Variants in NRP2 observed in about 807,000 individuals in gnomAD.
NRP2 encodes the protein neuropilin-2.
In NRP2, 52 loss-of-function variants were observed where a neutral mutation model predicts 110.4. The observed-to-expected ratio is 0.47, with a 90% CI of 0.38 to 0.59. The LOEUF (loss-of-function observed/expected upper bound fraction) is 0.59. NRP2 is among the 20% of genes least tolerant of loss of function. The pLI is 0.00. For missense variants in NRP2, 1,049 were observed against 1,203.0 expected (o/e 0.87, Z 1.89); for synonymous variants, 508 against 468.9 (o/e 1.08, Z -1.08).
intron 7 of NRP2, among the ~76,000 whole-genome samples, chr2:205,736,138 TCAA>T (rs2105851907): frequency 6.6e-6 from 1 of 152,186 alleles, no homozygotes; most frequent in African/African-American, 2.4e-5. Flanking sequence ...GGTCAGGAGT[TCAA>T]GACCAGCCTG....
chr2:205,734,893 G>A (rs976615183), intron 7 of NRP2, among the ~76,000 whole-genome samples: 1 of 152,196 alleles, frequency 6.6e-6, no homozygotes, highest in Admixed American at 6.5e-5. Context: ...CCCTGGAGCT[G>A]GCTGACTTCA....
At chr2:205,701,611 T>C (rs1236246194) in intron 2 of NRP2, 1 of 151,690 alleles carries the variant, frequency 6.6e-6, no homozygotes, top group Non-Finnish European at 1.5e-5. Context: ...CAAAACCCAC[T>C]AGCAAGAAAT....
rs1282488897 is a variant in NRP2 at position 205,743,441 on chromosome 2, C to G, written c.1530C>G (p.Asp510Glu). 2 of 1,614,104 alleles carry G rather than the reference C, an allele frequency of 1.2e-6. No homozygotes were observed. The highest frequency in any genetic ancestry group is 1.7e-6 in the Non-Finnish European group (2 of 1,180,058). Reference sequence around the variant, plus strand: ...TCATCCAGGGAGCCCGCGGAGGAGACAGTATCACTGCTGTGGAAGCCAGAG... The same window carrying G: ...TCATCCAGGGAGCCCGCGGAGGAGAGAGTATCACTGCTGTGGAAGCCAGAG... ...GVIIQGARGG[D>E]SITAVEARAF... The change falls in exon 9 of 17, where the codon GAC (aspartate) becomes GAG (glutamate). Residue 510 changes from aspartate to glutamate, a missense_variant. Transcript: ENST00000357785.
rs764073692 is a variant in NRP2, at chr2:205,743,435, A to T, written c.1524A>T (p.Gly508=). 1.9e-6 allele frequency: 3 copies of T among 1,614,232 alleles called. No homozygotes were observed. The highest frequency in any genetic ancestry group is 2.5e-6 in the Non-Finnish European group (3 of 1,180,036). Reference sequence around the variant, plus strand: ...GTGTCATCATCCAGGGAGCCCGCGGAGGAGACAGTATCACTGCTGTGGAAG... The same window carrying T: ...GTGTCATCATCCAGGGAGCCCGCGGTGGAGACAGTATCACTGCTGTGGAAG... The part of the protein sequence containing the change: ...VKGVIIQGAR[G]GDSITAVEAR... The change falls in exon 9 of 17, where the codon GGA becomes GGT. Residue 508 remains glycine, a synonymous_variant. Transcript: ENST00000357785.
chr2:205,752,675 GC>G, intron 11 of NRP2, 159 bp from the exon 12 acceptor site: 1 of 747,882 alleles, frequency 1.3e-6, no homozygotes, highest in Non-Finnish European at 2.3e-6. Flanking sequence ...TGACCCGAAA[GC>G]CAGCGATCGC....
At chr2:205,706,774 T>G (rs916086764) in intron 2 of NRP2, among the ~76,000 whole-genome samples, 4 of 152,152 alleles carry the variant, frequency 2.6e-5, no homozygotes, top group African/African-American at 9.7e-5. Flanking sequence ...AGTTATCTTC[T>G]TGGGGGCCTT....
In NRP2 at chr2:205,745,907, T is replaced by C; in HGVS notation, c.1786+17T>C. 1 of 1,613,884 alleles carries C rather than the reference T, an allele frequency of 6.2e-7. No individual in the cohort carries two copies. Reference sequence around the variant, plus strand: ...ACTGGACAGGTAAGATGACATTTCCTCCTCTTTGCATCTCACCCACATGGT... The same window carrying C: ...ACTGGACAGGTAAGATGACATTTCCCCCTCTTTGCATCTCACCCACATGGT... On this transcript the variant is annotated intron_variant, in intron 10 of 16. Coordinates refer to ENST00000357785, the MANE Select transcript of NRP2 (RefSeq NM_003872.3).
chr2:205,729,838 T>C (rs528058467), intron 7 of NRP2, among the ~76,000 whole-genome samples: 1 of 152,372 alleles, frequency 6.6e-6, no homozygotes, highest in South Asian at 2.1e-4. Context: ...TTCAGAATTA[T>C]TTTTCTCAAC....
intron 15 of NRP2, chr2:205,776,057 G>C (rs187165364): frequency 1.3e-6 from 1 of 747,514 alleles, no homozygotes; most frequent in Non-Finnish European, 2.4e-6. Flanking sequence ...TCCCAAGGGG[G>C]TAAGTAGGAA....
intron 11 of NRP2, among the ~76,000 whole-genome samples, chr2:205,751,301 A>C (rs370442146): frequency 3.3e-4 from 50 of 152,248 alleles, no homozygotes; most frequent in African/African-American, 1.2e-3. Flanking sequence ...GGTTTGTTTC[A>C]TTTGAGGTTT....
intron 7 of NRP2, among the ~76,000 whole-genome samples, chr2:205,730,296 G>T (rs1368858567): frequency 6.7e-6 from 1 of 148,730 alleles, no homozygotes; most frequent in Non-Finnish European, 1.5e-5. Context: ...GGTTGAAGTA[G>T]TTGAGTGAAC....
intron 1 of NRP2, among the ~76,000 whole-genome samples, chr2:205,690,632 T>G (rs1207308145): frequency 1.3e-4 from 18 of 138,130 alleles, no homozygotes; most frequent in Admixed American, 1.3e-3. Context: ...ACACACACAA[T>G]AGCTGGGTAT....
intron 9 of NRP2, among the ~76,000 whole-genome samples, chr2:205,744,109 G>C (rs1447913331): frequency 6.6e-6 from 1 of 152,126 alleles, no homozygotes; most frequent in Non-Finnish European, 1.5e-5. Context: ...CCATTTTAGA[G>C]ATGATAAACT....
intron 1 of NRP2, among the ~76,000 whole-genome samples, chr2:205,688,771 T>C (rs1437673936): frequency 6.6e-6 from 1 of 151,754 alleles, no homozygotes; most frequent in Non-Finnish European, 1.5e-5. Flanking sequence ...AGTAGAACAA[T>C]AACAATGTGG....
chr2:205,763,791 A>G lies in NRP2; in HGVS notation c.2162A>G (p.Gln721Arg), dbSNP rs2057863928. ...RSPVCMEFQYQATGGRGVALQ... is the reference protein window; with the variant it reads ...RSPVCMEFQYRATGGRGVALQ... ...CCGGTGTGCATGGAGTTCCAGTACC[A>G]GGCCACGGGCGGCCGCGGGGTGGCG... Residue 721 changes from glutamine (Q) to arginine (R), a missense_variant, in exon 13 of 17, where the codon CAG becomes CGG. By Grantham distance (43) the Gln-to-Arg change is conservative. Coordinates refer to ENST00000357785, the MANE Select transcript of NRP2 (RefSeq NM_003872.3). The surrounding 1 kb of genome is among the most constrained non-coding windows in gnomAD (Gnocchi z 4.0). The G allele has an allele frequency of 6.2e-7, 1 of 1,614,138 alleles. No individual in the cohort carries two copies. Among genetic ancestry groups the G allele is most frequent in the East Asian group, 2.2e-5 (1 of 44,878 alleles).
At chr2:205,717,314 T>C (rs2056920499) in intron 3 of NRP2, among the ~76,000 whole-genome samples, 1 of 152,138 alleles carries the variant, frequency 6.6e-6, no homozygotes, top group Admixed American at 6.5e-5. Context: ...TTACAACTCG[T>C]GGATGGAGTC....
intron 3 of NRP2, among the ~76,000 whole-genome samples, chr2:205,721,048 A>C (rs2105806033): frequency 6.6e-6 from 1 of 152,348 alleles, no homozygotes; most frequent in South Asian, 2.1e-4. Context: ...TCTGGTGCTG[A>C]AGAAAGTTGC....
In NRP2 at chr2:205,763,692, G is replaced by A. The variant is rs531137102; in HGVS notation, c.2063G>A (p.Arg688Gln). The A allele has an allele frequency of 3.6e-5, 58 of 1,614,074 alleles. 1 individual carries two copies. In the South Asian group the frequency reaches 3.7e-4, roughly 10 times the overall value. ...RTFPDDRNFLRLQSDSQREGQ... is the reference protein window; with the variant it reads ...RTFPDDRNFLQLQSDSQREGQ... ...CTGCCAGATGACAGGAATTTCTTGC[G>A]GCTGCAGAGTGACAGCCAGAGAGAG... The change falls in exon 13 of 17, where the codon CGG becomes CAG. Residue 688 changes from arginine to glutamine, a missense_variant. Transcript: ENST00000357785. The surrounding 1 kb of genome is among the most constrained non-coding windows in gnomAD (Gnocchi z 4.0).
intron 7 of NRP2, among the ~76,000 whole-genome samples, chr2:205,737,757 G>A (rs529809745): frequency 6.6e-6 from 1 of 152,284 alleles, no homozygotes; most frequent in South Asian, 2.1e-4. Context: ...AAATGAAAGG[G>A]CAGACTGAAG....
Sources: allele counts gnomAD v4.1 joint callset (sites outside exome capture counted in the v4.1 genomes callset), GRCh38; gene constraint gnomAD v4.1.1; non-coding constraint Gnocchi (gnomAD v3.1); transcripts MANE v1.5; gene names NCBI Gene and HGNC (gene_info 2026-07-23, HGNC 2026-07-21).